NKAIN2: variants seen among roughly 807,000 people sequenced by gnomAD.
The protein encoded by NKAIN2 is sodium/potassium-transporting ATPase subunit beta-1-interacting protein 2.
NKAIN2 carries 14 observed loss-of-function variants against 32.6 expected under a neutral mutation model. That is an observed-to-expected ratio of 0.43 (90% confidence interval 0.28 to 0.67). The LOEUF is 0.67. Among genes scored for constraint, NKAIN2 ranks in the 30% least tolerant of loss-of-function variants. NKAIN2 has a pLI of 0.17. For missense variants in NKAIN2, 198 were observed against 258.3 expected, an observed-to-expected ratio of 0.77 and a Z score of 1.60; for synonymous variants, 80 against 87.2, an observed-to-expected ratio of 0.92 and a Z score of 0.46.
At chr6:124,344,718 T>C (rs555368060) in intron 2 of NKAIN2, among the ~76,000 whole-genome samples, 41 of 152,322 alleles carry the variant, frequency 2.7e-4, no homozygotes, top group African/African-American at 8.4e-4. Context: ...CTTATGAGCT[T>C]AAGGAGATTT....
At chr6:124,122,639 A>C (rs907089387) in intron 1 of NKAIN2, among the ~76,000 whole-genome samples, 4 of 152,126 alleles carry the variant, frequency 2.6e-5, no homozygotes, top group African/African-American at 9.7e-5. Flanking sequence ...GGATAATAGC[A>C]ACCTCAAATT....
chr6:124,122,631 A>G (rs1785937060), intron 1 of NKAIN2, among the ~76,000 whole-genome samples: 1 of 152,152 alleles, frequency 6.6e-6, no homozygotes, highest in African/African-American at 2.4e-5. Context: ...ATTCCAATGG[A>G]TAATAGCAAC....
At chr6:124,248,611 T>C (rs1202617207) in intron 1 of NKAIN2, among the ~76,000 whole-genome samples, 1 of 152,246 alleles carries the variant, frequency 6.6e-6, no homozygotes, top group Non-Finnish European at 1.5e-5. Flanking sequence ...AAAAATAAAC[T>C]ACCTTAAGTA....
intron 1 of NKAIN2, among the ~76,000 whole-genome samples, chr6:124,225,732 A>C (rs1187295395): frequency 6.6e-6 from 1 of 152,082 alleles, no homozygotes; most frequent in South Asian, 2.1e-4. Flanking sequence ...CTATAAAAAC[A>C]TAAACCTCTA....
intron 3 of NKAIN2, among the ~76,000 whole-genome samples, chr6:124,357,729 A>G (rs906486513): frequency 6.6e-6 from 1 of 152,180 alleles, no homozygotes; most frequent in African/African-American, 2.4e-5. Context: ...AAAACGTGAT[A>G]AAACATTAAG....
chr6:124,249,331 C>G (rs1523979), intron 1 of NKAIN2, among the ~76,000 whole-genome samples: 1 of 151,816 alleles, frequency 6.6e-6, no homozygotes, highest in Non-Finnish European at 1.5e-5. Flanking sequence ...GTCATTATAA[C>G]GAATCAAAGG....
intron 3 of NKAIN2, among the ~76,000 whole-genome samples, chr6:124,386,880 A>T (rs959705098): frequency 6.6e-6 from 1 of 152,158 alleles, no homozygotes; most frequent in African/African-American, 2.4e-5. Flanking sequence ...CTTTTGTAAC[A>T]CATCAATGAT....
chr6:124,219,120 G>A lies in NKAIN2; in HGVS notation c.55-63885G>A, dbSNP rs35825618. 4.7e-3 allele frequency among the ~76,000 whole-genome samples: 709 copies of A among 152,140 alleles called. 3 individuals carry two copies. Among genetic ancestry groups the A allele is most frequent in the Non-Finnish European group, 7.4e-3 (502 of 68,002 alleles). ...CTCCCTCAAGAGGATTACAATTTAA[G>A]GTGAGATTTGGGTGGGGACACAGAG... On this transcript the variant is annotated intron_variant, in intron 1 of 6. Transcript: ENST00000368417.
intron 1 of NKAIN2, among the ~76,000 whole-genome samples, chr6:124,224,854 C>T (rs974872300): frequency 7.9e-5 from 12 of 152,056 alleles, no homozygotes; most frequent in South Asian, 2.1e-4. Flanking sequence ...GTGCTCATGA[C>T]GACTGGGTGT....
rs563398503 is a variant in NKAIN2 at position 124,318,965 on chromosome 6, T to C, written c.192+35823T>C. Among the ~76,000 whole-genome samples the C allele has an allele frequency of 1.5e-3, 233 of 152,236 alleles. 1 individual carries two copies. Among genetic ancestry groups the C allele is most frequent in the Non-Finnish European group, 2.9e-3 (196 of 67,990 alleles). The stretch of plus-strand genomic sequence containing the variant: ...TATTCTTATTTATTTTAATTATATG[T>C]ATTTAACACAGAATTATAATCAGAA... On this transcript the variant is annotated intron_variant, in intron 2 of 6. Transcript: ENST00000368417.
intron 1 of NKAIN2, among the ~76,000 whole-genome samples, chr6:124,013,246 A>G (rs963319130): frequency 6.6e-6 from 1 of 152,178 alleles, no homozygotes; most frequent in Non-Finnish European, 1.5e-5. Flanking sequence ...TGTGTTTGAA[A>G]GTATTATCTC....
intron 1 of NKAIN2, among the ~76,000 whole-genome samples, chr6:124,209,184 T>G (rs896041600): frequency 4.6e-5 from 7 of 151,760 alleles, no homozygotes; most frequent in Non-Finnish European, 1.0e-4. Context: ...TATTCAATTT[T>G]ATTTTTAGCT....
chr6:124,582,631 T>C (rs1370886517), intron 3 of NKAIN2, among the ~76,000 whole-genome samples: 1 of 152,038 alleles, frequency 6.6e-6, no homozygotes, highest in Non-Finnish European at 1.5e-5. Context: ...ATTGTCTTGA[T>C]ACCAAAATCA....
At chr6:124,385,008 G>A (rs1772829342) in intron 3 of NKAIN2, among the ~76,000 whole-genome samples, 1 of 152,126 alleles carries the variant, frequency 6.6e-6, no homozygotes, top group Admixed American at 6.6e-5. Flanking sequence ...GAATGGCCAT[G>A]AATCATTAAT....
chr6:124,265,210 T>C lies in NKAIN2; in HGVS notation c.55-17795T>C, dbSNP rs551285975. Among the ~76,000 whole-genome samples the C allele has an allele frequency of 1.0e-3, 154 of 152,298 alleles. No homozygotes were observed. The South Asian group carries it at 0.01, about 10-fold the overall frequency. On this transcript the variant is annotated intron_variant, in intron 1 of 6. Coordinates refer to ENST00000368417, the MANE Select transcript of NKAIN2 (RefSeq NM_001040214.3). ...AATAGAAAGATACATGCTTTCTTTA[T>C]GTTAGTTAAACTTTACATCATGTCT... is the stretch of plus-strand genomic sequence containing the variant.
chr6:124,185,339 T>G (rs1789663627), intron 1 of NKAIN2, among the ~76,000 whole-genome samples: 1 of 152,190 alleles, frequency 6.6e-6, no homozygotes, highest in Non-Finnish European at 1.5e-5. Context: ...CTTTGGTGAA[T>G]TCTACAAATT....
intron 2 of NKAIN2, among the ~76,000 whole-genome samples, chr6:124,336,355 G>A (rs1466601389): frequency 2.0e-5 from 3 of 152,166 alleles, no homozygotes; most frequent in Non-Finnish European, 4.4e-5. Flanking sequence ...CAGCTAATGA[G>A]ATGTAAGAAA....
At chr6:124,519,108 C>A (rs552545829) in intron 3 of NKAIN2, among the ~76,000 whole-genome samples, 77 of 152,212 alleles carry the variant, frequency 5.1e-4, no homozygotes, top group African/African-American at 1.7e-3. Flanking sequence ...GAAGTTAGAT[C>A]ACTACTTGTG....
chr6:124,228,414 G>C (rs1286494769), intron 1 of NKAIN2, among the ~76,000 whole-genome samples: 1 of 152,088 alleles, frequency 6.6e-6, no homozygotes, highest in Non-Finnish European at 1.5e-5. Context: ...TCAGCCTCTG[G>C]AACTGTGAGT....
Sources: allele counts gnomAD v4.1 joint callset (sites outside exome capture counted in the v4.1 genomes callset), GRCh38; gene constraint gnomAD v4.1.1; transcripts MANE v1.5; gene names NCBI Gene and HGNC (gene_info 2026-07-23, HGNC 2026-07-21).